The following NIN variants were observed in gnomAD, a reference collection of about 807,000 sequenced individuals.
NIN encodes the protein ninein.
NIN carries 137 observed loss-of-function variants against 257.6 expected under a neutral mutation model. The ratio of observed to expected loss-of-function variants is 0.53; its 90% CI spans 0.46 to 0.61. The LOEUF is 0.61. Ranked by LOEUF, NIN falls within the 20% of genes least tolerant of loss-of-function variation. NIN has a pLI of 0.00. For synonymous variants in NIN, 918 were observed against 919.8 expected, an observed-to-expected ratio of 1.00 and a Z score of 0.04; for missense variants, 2,439 against 2,501.2, an observed-to-expected ratio of 0.98 and a Z score of 0.53.
At chr14:50,795,247 C>A (rs2043787268) in intron 4 of NIN, among the ~76,000 whole-genome samples, 1 of 152,194 alleles carries the variant, frequency 6.6e-6, no homozygotes, top group Non-Finnish European at 1.5e-5. Flanking sequence ...ACGAAGTGGA[C>A]TAATCACACC....
intron 4 of NIN, 109 bp from the exon 5 acceptor site, chr14:50,792,990 C>A: frequency 9.3e-7 from 1 of 1,078,308 alleles, no homozygotes; most frequent in Admixed American, 2.2e-5. Context: ...AAATAAACCA[C>A]CACTGTTTGC....
chr14:50,737,495 C>CAAAAAA (rs58386910), intron 27 of NIN, among the ~76,000 whole-genome samples: 80 of 54,408 alleles, frequency 1.5e-3, no homozygotes, highest in Non-Finnish European at 1.7e-3. Flanking sequence ...TGTTACATAG[C>CAAAAAA]AAAAAAAAAA....
chr14:50,731,011 C>G, intron 28 of NIN: 1 of 1,181,476 alleles, frequency 8.5e-7, no homozygotes, highest in Non-Finnish European at 1.1e-6. Flanking sequence ...ACAGACAAGA[C>G]AAAAAGAAGA....
chr14:50,810,623 T>TA (rs1308511044), intron 3 of NIN, among the ~76,000 whole-genome samples: 1 of 152,250 alleles, frequency 6.6e-6, no homozygotes, highest in Non-Finnish European at 1.5e-5. Flanking sequence ...TAATACTTCT[T>TA]ACACTTTACA....
intron 25 of NIN, among the ~76,000 whole-genome samples, chr14:50,741,069 ATTG>A (rs1241339332): frequency 6.6e-6 from 1 of 152,150 alleles, no homozygotes; most frequent in African/African-American, 2.4e-5. Context: ...ATTCAATACT[ATTG>A]TTTTATGCCT....
In NIN at chr14:50,733,155, C is replaced by T. The variant is rs1341506460; in HGVS notation, c.5877+2361G>A. 2.6e-5 allele frequency among the ~76,000 whole-genome samples: 4 copies of T among 151,632 alleles called. No homozygotes were observed. In the East Asian group the frequency reaches 5.8e-4, roughly 22 times the overall value. Reference sequence around the variant, plus strand: ...TTGCCTAGGCTGGAGTGCAGTGGCACGATCTTGGCTCACTGCAACCTCCGC... The same window carrying T: ...TTGCCTAGGCTGGAGTGCAGTGGCATGATCTTGGCTCACTGCAACCTCCGC... On this transcript the variant is annotated intron_variant, in intron 28 of 30. Transcript: ENST00000530997.
Position 50,830,536 on chromosome 14 carries a change from C to G in NIN, c.-75-19G>C, listed in dbSNP as rs1198557864. On this transcript the variant is annotated intron_variant, in intron 1 of 30. Coordinates refer to ENST00000530997, the MANE Select transcript of NIN (RefSeq NM_020921.4). ...CAGCGCTCTGCAAAGCGAAGGAGGA[C>G]GCTTTGTTAGGGCTGGAGAAACGGG... 1 of 167,918 alleles carries G rather than the reference C, an allele frequency of 6.0e-6. No individual in the cohort carries two copies. Among genetic ancestry groups the G allele is most frequent in the Non-Finnish European group, 1.5e-5 (1 of 68,310 alleles). 10.4% of individuals were successfully genotyped at this position (167,918 alleles called of 1,614,324 possible).
At position 50,766,824 on chromosome 14, in the gene NIN, T is replaced by A; in HGVS notation, c.1501A>T (p.Thr501Ser). The A allele has an allele frequency of 6.2e-7, 1 of 1,614,094 alleles. No homozygotes were observed. The highest frequency in any genetic ancestry group is 8.5e-7 in the Non-Finnish European group (1 of 1,179,974). The change falls in exon 13 of 31, where the codon ACA (threonine) becomes TCA (serine). Residue 501 changes from threonine (T) to serine (S), a missense_variant. Physicochemically the swap from Thr to Ser is moderately conservative, Grantham distance 58 (BLOSUM62 1). This residue lies in a region of NIN where 2,043 missense variants were observed against 2,050.2 expected (regional missense o/e 1.00). Transcript: ENST00000530997. Reference protein sequence around the residue: ...AEKLAEYENLTNKLQRNLENV... With the variant: ...AEKLAEYENLSNKLQRNLENV... ...TCCAAATTTCTCTGAAGTTTGTTTG[T>A]CAGATTCTCATATTCTGCCAACTTC...
In NIN at chr14:50,744,355, C is replaced by T. The variant is rs75544578; in HGVS notation, c.5075G>A (p.Cys1692Tyr). The stretch of plus-strand genomic sequence containing the variant: ...TTGCTGGAAGTCAGAGAGATCGGGA[C>T]ATCTGTGCAGCTGTAAGAGATAAAC... ...ELEKMKQLHR[C>Y]PDLSDFQQKI... The change falls in exon 23 of 31, where the codon TGT (cysteine) becomes TAT (tyrosine). Residue 1692 changes from cysteine (C) to tyrosine (Y), a missense_variant. Physicochemically the swap from Cys to Tyr is radical, Grantham distance 194. This residue lies in a region of NIN where 2,043 missense variants were observed against 2,050.2 expected (regional missense o/e 1.00). Transcript: ENST00000530997. 3,555 of 1,613,874 alleles carry T rather than the reference C, an allele frequency of 2.2e-3. 62 individuals carry two copies. The African/African-American group carries it at 0.041, about 19-fold the overall frequency.
intron 2 of NIN, among the ~76,000 whole-genome samples, chr14:50,825,896 C>T (rs770601989): frequency 6.6e-6 from 1 of 152,210 alleles, no homozygotes; most frequent in Non-Finnish European, 1.5e-5. Context: ...ATAATTATAG[C>T]CTACAAGGCA....
rs2041430003 is a variant in NIN at position 50,744,223 on chromosome 14, A to C, written c.5187+20T>G. The stretch of plus-strand genomic sequence containing the variant: ...TGTGTATTGTATACGATGATGGTAA[A>C]GTCTTATTACTTCTACTACCTTATC... On this transcript the variant is annotated intron_variant, in intron 23 of 30. Transcript: ENST00000530997. 6.2e-7 allele frequency: 1 copy of C among 1,612,166 alleles called. No homozygotes were observed. The highest frequency in any genetic ancestry group is 1.1e-5 in the South Asian group (1 of 90,946).
At chr14:50,802,885 T>C (rs1391788185) in intron 4 of NIN, among the ~76,000 whole-genome samples, 3 of 152,226 alleles carry the variant, frequency 2.0e-5, no homozygotes, top group Non-Finnish European at 4.4e-5. Flanking sequence ...CAATATCTTA[T>C]ATTTTAATTT....
chr14:50,795,667 T>C (rs2043806845), intron 4 of NIN, among the ~76,000 whole-genome samples: 1 of 152,228 alleles, frequency 6.6e-6, no homozygotes, highest in Non-Finnish European at 1.5e-5. Context: ...AATAATCTTA[T>C]CTATGTCAGA....
chr14:50,803,069 C>T (rs181610645), intron 4 of NIN, among the ~76,000 whole-genome samples: 18 of 152,200 alleles, frequency 1.2e-4, no homozygotes, highest in Non-Finnish European at 4.4e-5. Context: ...ATAACACAGA[C>T]CTCGCCGGGC....
intron 22 of NIN, 145 bp from the exon 23 acceptor site, chr14:50,744,510 T>C (rs1475754337): frequency 4.9e-6 from 4 of 812,292 alleles, no homozygotes; most frequent in East Asian, 5.3e-5. Context: ...GCAGAGACTA[T>C]AATAAACTTC....
rs764622243 is a variant in NIN, at chr14:50,752,410, T to C, written c.4950+108A>G. 47 of 807,336 alleles carry C rather than the reference T, an allele frequency of 5.8e-5. 1 individual carries two copies. The highest frequency in any genetic ancestry group is 9.2e-5 in the Non-Finnish European group (45 of 491,390). 50.0% of individuals were successfully genotyped at this position (807,336 alleles called of 1,614,324 possible). On this transcript the variant is annotated intron_variant, in intron 21 of 30. Transcript: ENST00000530997. Reference sequence around the variant, plus strand: ...CTTATCTATTCATGTGCCAGGACCATACTGTTTTAATTACTAAGGCTTTAT... The same window carrying C: ...CTTATCTATTCATGTGCCAGGACCACACTGTTTTAATTACTAAGGCTTTAT...
At position 50,730,413 on chromosome 14, in the gene NIN, T is replaced by C. The variant is rs186203131; in HGVS notation, c.5878-690A>G. Among the ~76,000 whole-genome samples, 137 of 152,228 alleles carry C rather than the reference T, an allele frequency of 9.0e-4. 1 individual carries two copies. The highest frequency in any genetic ancestry group is 3.2e-3 in the African/African-American group (134 of 41,534). ...AGGAAAGGGAGGACGATGCACAGCA[T>C]TTTGGGCAGTGAGGCAGGCCACCTC... On this transcript the variant is annotated intron_variant, in intron 28 of 30. Coordinates refer to ENST00000530997, the MANE Select transcript of NIN (RefSeq NM_020921.4).
Position 50,777,614 on chromosome 14 carries a change from T to G in NIN, c.476-475A>C, listed in dbSNP as rs527522588. Among the ~76,000 whole-genome samples, 15 of 152,242 alleles carry G rather than the reference T, an allele frequency of 9.9e-5. No individual in the cohort carries two copies. In the East Asian group the frequency reaches 2.7e-3, roughly 27 times the overall value. On this transcript the variant is annotated intron_variant, in intron 6 of 30. Coordinates refer to ENST00000530997, the MANE Select transcript of NIN (RefSeq NM_020921.4). ...TAATTTCATGATAAAAGTCTCAACA[T>G]TAGCCTGTTCCCAAATCCTTACATA...
intron 23 of NIN, 34 bp from the exon 24 acceptor site, chr14:50,743,563 A>AT: frequency 7.4e-7 from 1 of 1,353,636 alleles, no homozygotes; most frequent in Non-Finnish European, 1.1e-6. Context: ...GTAAGAGGGC[A>AT]TTTTTGCAAA....
Sources: allele counts gnomAD v4.1 joint callset (sites outside exome capture counted in the v4.1 genomes callset), GRCh38; gene constraint gnomAD v4.1.1; regional missense constraint gnomAD v4.1.1; transcripts MANE v1.5; gene names NCBI Gene and HGNC (gene_info 2026-07-23, HGNC 2026-07-21).